DESI1: variants seen among roughly 807,000 people sequenced by gnomAD.
DESI1 encodes desumoylating isopeptidase 1.
A neutral mutation model predicts 22.4 loss-of-function variants in DESI1; 17 were observed. The observed-to-expected ratio is 0.76, with a 90% CI of 0.52 to 1.14. DESI1 has a LOEUF of 1.14. DESI1 is among the 50% of genes most tolerant of loss of function. The pLI is 0.00. For missense variants in DESI1, 177 were observed against 208.9 expected (o/e 0.85, Z 0.94); for synonymous variants, 92 against 84.2 (o/e 1.09, Z -0.51).
chr22:41,619,107 C>G (rs759417076), intron 1 of DESI1, among the ~76,000 whole-genome samples: 9 of 151,900 alleles, frequency 5.9e-5, no homozygotes, highest in Non-Finnish European at 1.3e-4. Flanking sequence ...CTGATGTAAT[C>G]TATTAATGAG....
intron 1 of DESI1, 129 bp from the exon 2 acceptor site, chr22:41,607,990 G>T (rs757708714): frequency 2.6e-4 from 243 of 936,892 alleles, no homozygotes; most frequent in Non-Finnish European, 3.6e-4. Context: ...TTCTAGGAAT[G>T]CAAGTCCCCT....
At chr22:41,612,975 G>A (rs1410104227) in intron 1 of DESI1, among the ~76,000 whole-genome samples, 1 of 152,176 alleles carries the variant, frequency 6.6e-6, no homozygotes, top group Non-Finnish European at 1.5e-5. Context: ...AATGGGTGAG[G>A]AGGGGAAGTA....
At chr22:41,612,215 T>G (rs931054932) in intron 1 of DESI1, among the ~76,000 whole-genome samples, 55 of 150,856 alleles carry the variant, frequency 3.6e-4, no homozygotes, top group Non-Finnish European at 6.2e-4. Context: ...CGAACAAGAG[T>G]AGGTTAAGGG....
rs539292461 is a variant in DESI1 at position 41,616,282 on chromosome 22, T to C, written c.88+4470A>G. Among the ~76,000 whole-genome samples the C allele has an allele frequency of 5.3e-5, 8 of 152,298 alleles. No individual in the cohort carries two copies. In the South Asian group the frequency reaches 1.4e-3, roughly 28 times the overall value. ...TTCCTGGAGGACAGAGTTCACGTCA[T>C]ATCTTTTATTTCATTACTATTTGTA... On this transcript the variant is annotated intron_variant, in intron 1 of 5. Coordinates refer to ENST00000263256, the MANE Select transcript of DESI1 (RefSeq NM_015704.3).
intron 1 of DESI1, among the ~76,000 whole-genome samples, chr22:41,611,241 T>C (rs2147045331): frequency 6.6e-6 from 1 of 152,328 alleles, no homozygotes; most frequent in South Asian, 2.1e-4. Context: ...GCAATTCTGG[T>C]GCCTCAGACT....
In DESI1 at chr22:41,600,842, C is replaced by T. The variant is rs554343392; in HGVS notation, c.*255G>A. On this transcript the variant is annotated 3_prime_UTR_variant, in exon 6 of 6. Transcript: ENST00000263256. Reference sequence around the variant, plus strand: ...TCCAGTGTGGAGGACGCTTAGGAAACAGCATCCGAAGTGAACGCACAGACA... The same window carrying T: ...TCCAGTGTGGAGGACGCTTAGGAAATAGCATCCGAAGTGAACGCACAGACA... 1 of 410,848 alleles carries T rather than the reference C, an allele frequency of 2.4e-6. No homozygotes were observed. The highest frequency in any genetic ancestry group is 2.1e-5 in the African/African-American group (1 of 48,244). 25.5% of individuals were successfully genotyped at this position (410,848 alleles called of 1,614,324 possible).
chr22:41,608,504 CAAGT>C (rs1446157359), intron 1 of DESI1, among the ~76,000 whole-genome samples: 3 of 152,048 alleles, frequency 2.0e-5, no homozygotes, highest in Non-Finnish European at 4.4e-5. Flanking sequence ...TTACCAATGA[CAAGT>C]AAGGGCAGGG....
intron 1 of DESI1, among the ~76,000 whole-genome samples, chr22:41,615,205 G>A (rs2067543253): frequency 6.7e-6 from 1 of 149,664 alleles, no homozygotes; most frequent in African/African-American, 2.5e-5. Context: ...CGAGGCGGGA[G>A]GATCACGAGG....
rs2067488496 is a variant in DESI1, at chr22:41,607,263, G to A, written c.179C>T (p.Pro60Leu). 1.5e-5 allele frequency: 24 copies of A among 1,607,286 alleles called. No individual in the cohort carries two copies. The highest frequency in any genetic ancestry group is 2.2e-5 in the East Asian group (1 of 44,510). The change falls in exon 3 of 6, where the codon CCG becomes CTG. Residue 60 changes from proline to leucine, a missense_variant and splice_region_variant. Transcript: ENST00000263256. ...FGSGGISSCP[P>L]GGTLLGPPDS... ...CAGAGTGTAGGGGAAGACACTCACC[G>A]GGGGGCAGCTGGAGATACCACCACT...
In DESI1 at chr22:41,607,336, C is replaced by T; in HGVS notation, c.111-5G>A. Reference sequence around the variant, plus strand: ...TGCACAACTATGGATGTGTGCCTGTCACACAGAGAGAGACACAGTAAGCCA... The same window carrying T: ...TGCACAACTATGGATGTGTGCCTGTTACACAGAGAGAGACACAGTAAGCCA... On this transcript the variant is annotated splice_polypyrimidine_tract_variant and splice_region_variant and intron_variant, in intron 2 of 5. Coordinates refer to ENST00000263256, the MANE Select transcript of DESI1 (RefSeq NM_015704.3). The T allele has an allele frequency of 6.2e-7, 1 of 1,608,716 alleles. No individual in the cohort carries two copies. Among genetic ancestry groups the T allele is most frequent in the Non-Finnish European group, 8.5e-7 (1 of 1,177,804 alleles).
intron 1 of DESI1, among the ~76,000 whole-genome samples, chr22:41,617,921 G>A (rs2067560179): frequency 6.6e-6 from 1 of 152,136 alleles, no homozygotes; most frequent in African/African-American, 2.4e-5. Context: ...CCAGTATCAG[G>A]CCAGACTCTT....
intron 3 of DESI1, among the ~76,000 whole-genome samples, chr22:41,606,223 G>A (rs981511072): frequency 5.3e-5 from 8 of 152,098 alleles, no homozygotes; most frequent in Non-Finnish European, 1.0e-4. Flanking sequence ...ATAGCAGGGC[G>A]TGGTGGTGCT....
chr22:41,608,398 C>T (rs907739384), intron 1 of DESI1, among the ~76,000 whole-genome samples: 2 of 152,178 alleles, frequency 1.3e-5, no homozygotes, highest in Non-Finnish European at 2.9e-5. Context: ...TGGACTGAGA[C>T]ACACAAATAA....
At chr22:41,611,688 G>A (rs1046931822) in intron 1 of DESI1, among the ~76,000 whole-genome samples, 1 of 149,938 alleles carries the variant, frequency 6.7e-6, no homozygotes, top group African/African-American at 2.5e-5. Context: ...CGCCTCCCAG[G>A]TTCAAGTGAT....
At chr22:41,616,240 C>T (rs2147049798) in intron 1 of DESI1, among the ~76,000 whole-genome samples, 1 of 152,154 alleles carries the variant, frequency 6.6e-6, no homozygotes, top group South Asian at 2.1e-4. Context: ...TGAAACTCTG[C>T]CTCAAAAAAA....
rs1203213687 is a variant in DESI1, at chr22:41,620,768, G to A, written c.72C>T (p.Leu24=). The A allele has an allele frequency of 3.1e-6, 5 of 1,611,408 alleles. No homozygotes were observed. The highest frequency in any genetic ancestry group is 2.7e-5 in the African/African-American group (2 of 74,946). ...CCCCCTCACCCAGCATGATGGGGCT[G>A]AGCCGCCGGGCCAGGCCTTTGGACA... ...YDLSKGLARR[L]SPIMLGKQLE... is the part of the protein sequence containing the mutation. Residue 24 remains leucine (L), a synonymous_variant, in exon 1 of 6, where the codon CTC becomes CTT. Transcript: ENST00000263256.
chr22:41,602,751 T>C (rs374745242), intron 5 of DESI1: 2 of 997,070 alleles, frequency 2.0e-6, no homozygotes, highest in Non-Finnish European at 1.2e-6. Context: ...GGCTGCAGAG[T>C]GTTCTTGAAG....
chr22:41,615,703 A>G (rs1006072603), intron 1 of DESI1, among the ~76,000 whole-genome samples: 4 of 152,186 alleles, frequency 2.6e-5, no homozygotes, highest in Non-Finnish European at 4.4e-5. Context: ...ACCTGCTCCA[A>G]CAGGCCACTG....
chr22:41,603,894 A>C, intron 4 of DESI1, 150 bp downstream of exon 4: 1 of 636,800 alleles, frequency 1.6e-6, no homozygotes, highest in African/African-American at 1.9e-5. Flanking sequence ...TTTGTAGCAT[A>C]ACTGCCTTTT....
Sources: allele counts gnomAD v4.1 joint callset (sites outside exome capture counted in the v4.1 genomes callset), GRCh38; gene constraint gnomAD v4.1.1; transcripts MANE v1.5; gene names NCBI Gene and HGNC (gene_info 2026-07-23, HGNC 2026-07-21).